Variants in CSMD1 observed in about 807,000 individuals in gnomAD.
The protein encoded by CSMD1 is CUB and sushi domain-containing protein 1.
Under a neutral mutation model 417.5 loss-of-function variants are expected in CSMD1, and 213 were observed. The ratio of observed to expected loss-of-function variants is 0.51; its 90% CI spans 0.46 to 0.57. CSMD1 has a LOEUF of 0.57. CSMD1 is among the 20% of genes least tolerant of loss of function. The pLI, the probability that CSMD1 is intolerant of heterozygous loss-of-function variation, is 0.00. For missense variants in CSMD1, 6,923 were observed against 4,529.7 expected (o/e 1.53, Z -15.17); for synonymous variants, 2,862 against 1,736.8 (o/e 1.65, Z -16.11).
At chr8:4,449,404 T>C (rs1006967504) in intron 2 of CSMD1, among the ~76,000 whole-genome samples, 2 of 152,198 alleles carry the variant, frequency 1.3e-5, no homozygotes, top group Non-Finnish European at 2.9e-5. Flanking sequence ...ACTGTGGCTA[T>C]GTTTAGAATA....
chr8:3,224,132 AT>A (rs1255507982), intron 27 of CSMD1, among the ~76,000 whole-genome samples: 1 of 152,222 alleles, frequency 6.6e-6, no homozygotes, highest in African/African-American at 2.4e-5. Flanking sequence ...GACACAAAAA[AT>A]TTCTTTCCTA....
chr8:4,976,666 A>G (rs958044853), intron 1 of CSMD1, among the ~76,000 whole-genome samples: 5 of 152,292 alleles, frequency 3.3e-5, no homozygotes, highest in Admixed American at 3.3e-4. Context: ...CCTAAATAGG[A>G]TGAGAAGGTA....
chr8:3,493,697 C>G lies in CSMD1; in HGVS notation c.1374G>C (p.Glu458Asp), dbSNP rs758508382. ...KVIKLAFEEF[E>D]LERGYDTLTV... Reference sequence around the variant, plus strand: ...TCAGGGTGTCATAGCCTCGCTCCAGCTCAAACTCTTCAAAGGCAAGCTTGA... The same window carrying G: ...TCAGGGTGTCATAGCCTCGCTCCAGGTCAAACTCTTCAAAGGCAAGCTTGA... Residue 458 changes from glutamate (E) to aspartate (D), a missense_variant, in exon 11 of 70, where the codon GAG becomes GAC. Transcript: ENST00000635120. 6.8e-6 allele frequency: 11 copies of G among 1,611,818 alleles called. No homozygotes were observed. Among genetic ancestry groups the G allele is most frequent in the Non-Finnish European group, 9.3e-6 (11 of 1,179,026 alleles).
chr8:4,628,542 G>C (rs943821166), intron 2 of CSMD1, among the ~76,000 whole-genome samples: 4 of 151,340 alleles, frequency 2.6e-5, no homozygotes, highest in South Asian at 4.2e-4. Context: ...CATAGGATAA[G>C]CATAAACACA....
In CSMD1 at chr8:3,449,234, G is replaced by C. The variant is rs552361949; in HGVS notation, c.1561+19478C>G. Among the ~76,000 whole-genome samples, 96 of 152,316 alleles carry C rather than the reference G, an allele frequency of 6.3e-4. No homozygotes were observed. The South Asian group carries it at 8.5e-3, about 13-fold the overall frequency. On this transcript the variant is annotated intron_variant, in intron 12 of 69. Transcript: ENST00000635120. ...TAGCATAAACCTGAAGAATTGTAGA[G>C]GGAAGTTAAAATTAAACAGGCTTAT...
intron 12 of CSMD1, among the ~76,000 whole-genome samples, chr8:3,446,654 G>C (rs1436030201): frequency 6.6e-6 from 1 of 152,052 alleles, no homozygotes; most frequent in African/African-American, 2.4e-5. Flanking sequence ...AATCTAGTTA[G>C]GAAAAAAATC....
At chr8:4,463,501 AACAAT>A (rs1456058060) in intron 2 of CSMD1, among the ~76,000 whole-genome samples, 1 of 152,204 alleles carries the variant, frequency 6.6e-6, no homozygotes, top group Non-Finnish European at 1.5e-5. Flanking sequence ...AAAAAGTGGA[AACAAT>A]ACAAATGTCA....
intron 3 of CSMD1, among the ~76,000 whole-genome samples, chr8:4,323,685 G>A (rs908134862): frequency 6.6e-6 from 1 of 152,126 alleles, no homozygotes; most frequent in Non-Finnish European, 1.5e-5. Context: ...AATTATATAG[G>A]AAATGTATAA....
intron 5 of CSMD1, among the ~76,000 whole-genome samples, chr8:3,968,961 C>T (rs2627462): frequency 0.18 from 26,657 of 152,070 alleles, 2,447 homozygotes; most frequent in African/African-American, 0.23. Context: ...TTACTAAGAC[C>T]TAATGCAGGG....
intron 5 of CSMD1, among the ~76,000 whole-genome samples, chr8:3,782,187 T>A (rs1377198782): frequency 6.6e-6 from 1 of 152,182 alleles, no homozygotes; most frequent in East Asian, 1.9e-4. Context: ...TCATGTCACA[T>A]GAAAAGCAAA....
rs747584642 is a variant in CSMD1, at chr8:3,107,768, G to A, written c.6785C>T (p.Pro2262Leu). Residue 2262 changes from proline to leucine, a missense_variant, in exon 45 of 70, where the codon CCA (proline) becomes CTA (leucine). Pro to Leu is a moderately conservative substitution (Grantham distance 98). Coordinates refer to ENST00000635120, the MANE Select transcript of CSMD1 (RefSeq NM_033225.6). Reference protein sequence around the residue: ...AFQLKKCQPPPAVPQAEMLTE... With the variant: ...AFQLKKCQPPLAVPQAEMLTE... ...AAGCATTTCTGCCTGTGGAACCGCT[G>A]GGGGAGGTTGACATTTCTTGAGCTG... The A allele has an allele frequency of 4.4e-6, 7 of 1,586,658 alleles. No individual in the cohort carries two copies. Among genetic ancestry groups the A allele is most frequent in the Admixed American group, 1.9e-5 (1 of 51,794 alleles).
chr8:4,644,151 A>T (rs1803371830), intron 1 of CSMD1, among the ~76,000 whole-genome samples: 2 of 152,164 alleles, frequency 1.3e-5, no homozygotes, highest in Admixed American at 1.3e-4. Flanking sequence ...CTCAAAATGA[A>T]CCAGGAGTAC....
chr8:3,393,748 C>CA (rs1811490901), intron 17 of CSMD1, among the ~76,000 whole-genome samples: 1 of 151,322 alleles, frequency 6.6e-6, no homozygotes, highest in Non-Finnish European at 1.5e-5. Context: ...GACAAAAAAC[C>CA]AAACACCACA....
intron 1 of CSMD1, among the ~76,000 whole-genome samples, chr8:4,887,412 C>G (rs529973248): frequency 3.9e-5 from 6 of 152,148 alleles, no homozygotes; most frequent in African/African-American, 9.6e-5. Flanking sequence ...AACAGTTCAT[C>G]TGCAAATGAG....
At chr8:4,963,292 C>G (rs1048843026) in intron 1 of CSMD1, among the ~76,000 whole-genome samples, 1 of 152,154 alleles carries the variant, frequency 6.6e-6, no homozygotes, top group Non-Finnish European at 1.5e-5. Flanking sequence ...CCTCCACCTC[C>G]GGGGTTCAAG....
chr8:4,155,115 C>G (rs1002979957), intron 3 of CSMD1, among the ~76,000 whole-genome samples: 1 of 152,138 alleles, frequency 6.6e-6, no homozygotes, highest in African/African-American at 2.4e-5. Flanking sequence ...CCACATGACG[C>G]GCATGCACTA....
intron 7 of CSMD1, chr8:3,700,573 G>C (rs1032615014): frequency 6.6e-6 from 1 of 152,246 alleles, no homozygotes; most frequent in African/African-American, 2.4e-5. Flanking sequence ...GATGGGAGAA[G>C]TTGTGGATGC....
chr8:4,022,857 G>A (rs1320445766), intron 4 of CSMD1, among the ~76,000 whole-genome samples: 1 of 152,188 alleles, frequency 6.6e-6, no homozygotes, highest in Non-Finnish European at 1.5e-5. Flanking sequence ...TTCATTCGGA[G>A]CAAGAATTCA....
At chr8:3,649,939 T>C (rs1464571492) in intron 7 of CSMD1, among the ~76,000 whole-genome samples, 1 of 126,020 alleles carries the variant, frequency 7.9e-6, no homozygotes, top group Admixed American at 7.7e-5. Context: ...AAATTACATA[T>C]TCTTATTTTT....
Sources: allele counts gnomAD v4.1 joint callset (sites outside exome capture counted in the v4.1 genomes callset), GRCh38; gene constraint gnomAD v4.1.1; transcripts MANE v1.5; gene names NCBI Gene and HGNC (gene_info 2026-07-23, HGNC 2026-07-21).